The following PDE4B variants were observed in gnomAD, a reference collection of about 807,000 sequenced individuals.
The protein encoded by PDE4B is phosphodiesterase 4B.
A neutral mutation model predicts 82.2 loss-of-function variants in PDE4B; 20 were observed. The ratio of observed to expected loss-of-function variants is 0.24; its 90% CI spans 0.17 to 0.35. The LOEUF is 0.35. Ranked by LOEUF, PDE4B falls within the 10% of genes least tolerant of loss-of-function variation. PDE4B has a pLI of 1.00. For synonymous variants in PDE4B, 320 were observed against 318.9 expected, an observed-to-expected ratio of 1.00 and a Z score of -0.04; for missense variants, 655 against 907.2, an observed-to-expected ratio of 0.72 and a Z score of 3.57.
chr1:66,231,893 A>T (rs908322953), intron 3 of PDE4B, among the ~76,000 whole-genome samples: 8 of 152,116 alleles, frequency 5.3e-5, no homozygotes, highest in Non-Finnish European at 1.0e-4. Context: ...GTCAAGTGTG[A>T]GTGAGGTAAA....
In PDE4B at chr1:66,306,417, T is replaced by C. The variant is rs539146653; in HGVS notation, c.635-26091T>C. 1.8e-4 allele frequency among the ~76,000 whole-genome samples: 27 copies of C among 152,222 alleles called. No homozygotes were observed. In the South Asian group the frequency reaches 4.8e-3, roughly 27 times the overall value. Reference sequence around the variant, plus strand: ...TATTCAAATGAAGACTCAACTCTAATTTATAATAAGACAAAAGGAAAGAGG... The same window carrying C: ...TATTCAAATGAAGACTCAACTCTAACTTATAATAAGACAAAAGGAAAGAGG... On this transcript the variant is annotated intron_variant, in intron 7 of 16. Transcript: ENST00000341517.
intron 8 of PDE4B, among the ~76,000 whole-genome samples, chr1:66,350,441 G>T (rs1390149168): frequency 6.6e-6 from 1 of 151,992 alleles, no homozygotes; most frequent in Non-Finnish European, 1.5e-5. Context: ...TCCATGAGAG[G>T]AAGGTACCTG....
At chr1:66,151,199 G>A (rs1490373684) in intron 3 of PDE4B, among the ~76,000 whole-genome samples, 1 of 152,158 alleles carries the variant, frequency 6.6e-6, no homozygotes, top group Non-Finnish European at 1.5e-5. Flanking sequence ...GTGGAACAAA[G>A]GACTTACAGG....
chr1:66,332,441 G>A (rs200202611), intron 7 of PDE4B, 67 bp from the exon 8 acceptor site: 27 of 1,614,040 alleles, frequency 1.7e-5, no homozygotes, highest in Admixed American at 1.5e-4. Context: ...CGGTGGTAGC[G>A]GTGACTCTGC....
chr1:66,270,096 CT>C (rs1655355520), intron 7 of PDE4B, among the ~76,000 whole-genome samples: 1 of 152,180 alleles, frequency 6.6e-6, no homozygotes, highest in Admixed American at 6.5e-5. Context: ...TAGGGAATCA[CT>C]TTGAGGACTT....
chr1:65,966,425 C>T lies in PDE4B; in HGVS notation c.281+47590C>T, dbSNP rs145440291. Among the ~76,000 whole-genome samples, 117 of 152,222 alleles carry T rather than the reference C, an allele frequency of 7.7e-4. 1 individual carries two copies. The highest frequency in any genetic ancestry group is 1.1e-3 in the African/African-American group (47 of 41,526). On this transcript the variant is annotated intron_variant, in intron 3 of 16. Coordinates refer to ENST00000341517, the MANE Select transcript of PDE4B (RefSeq NM_002600.4). ...GACAAAAACAAAAGGAAAAACATTC[C>T]GTCCTCATGGATAGAAGAATCAATA...
At chr1:65,892,365 C>T (rs530648008) in intron 1 of PDE4B, among the ~76,000 whole-genome samples, 1 of 152,098 alleles carries the variant, frequency 6.6e-6, no homozygotes, top group African/African-American at 2.4e-5. Flanking sequence ...ACAAATGAGT[C>T]ACTATTTTAA....
chr1:66,310,503 A>G (rs1481859640), intron 7 of PDE4B, among the ~76,000 whole-genome samples: 1 of 152,174 alleles, frequency 6.6e-6, no homozygotes, highest in African/African-American at 2.4e-5. Flanking sequence ...CTCAGAAAAA[A>G]AGTATCTTTA....
chr1:66,198,623 A>C (rs1002736677), intron 3 of PDE4B, among the ~76,000 whole-genome samples: 1 of 151,880 alleles, frequency 6.6e-6, no homozygotes, highest in African/African-American at 2.4e-5. Flanking sequence ...TTTTATTATT[A>C]TTATGCTTTA....
At chr1:65,871,430 G>A (rs951792161) in intron 1 of PDE4B, among the ~76,000 whole-genome samples, 2 of 152,162 alleles carry the variant, frequency 1.3e-5, no homozygotes, top group South Asian at 4.1e-4. Context: ...TTAAACAGAT[G>A]CCCTTACTAG....
intron 1 of PDE4B, among the ~76,000 whole-genome samples, chr1:65,837,802 G>A (rs1156659001): frequency 1.3e-5 from 2 of 152,130 alleles, no homozygotes; most frequent in Admixed American, 6.5e-5. Flanking sequence ...ACTTGTGTGT[G>A]TGTGTGTGTG....
At chr1:65,871,198 A>G (rs967760891) in intron 1 of PDE4B, among the ~76,000 whole-genome samples, 4 of 152,204 alleles carry the variant, frequency 2.6e-5, no homozygotes, top group African/African-American at 7.2e-5. Context: ...AATTTGATCT[A>G]TTTGAAGTAT....
intron 7 of PDE4B, 139 bp from the exon 8 acceptor site, chr1:66,332,369 G>A: frequency 6.2e-7 from 1 of 1,612,448 alleles, no homozygotes; most frequent in Non-Finnish European, 8.5e-7. Flanking sequence ...GAGCTGGAAG[G>A]AAGGAGCCAG....
chr1:65,986,672 G>A (rs1264053716), intron 3 of PDE4B, among the ~76,000 whole-genome samples: 1 of 152,174 alleles, frequency 6.6e-6, no homozygotes, highest in African/African-American at 2.4e-5. Flanking sequence ...GTAGCAAACA[G>A]TATTTGGGGA....
chr1:66,085,049 C>A lies in PDE4B; in HGVS notation c.282-162411C>A, dbSNP rs186133552. On this transcript the variant is annotated intron_variant, in intron 3 of 16. Coordinates refer to ENST00000341517, the MANE Select transcript of PDE4B (RefSeq NM_002600.4). The stretch of plus-strand genomic sequence containing the variant: ...AGTATCACGATTAGTAAGGATGGGG[C>A]TGGAAATATACCTATGCCAGGCTCT... 2.0e-3 allele frequency among the ~76,000 whole-genome samples: 311 copies of A among 152,258 alleles called. 1 individual carries two copies. Among genetic ancestry groups the A allele is most frequent in the African/African-American group, 7.1e-3 (297 of 41,554 alleles).
At chr1:66,194,078 C>T (rs556791860) in intron 3 of PDE4B, among the ~76,000 whole-genome samples, 1 of 151,294 alleles carries the variant, frequency 6.6e-6, no homozygotes, top group Admixed American at 6.6e-5. Flanking sequence ...TTTGAACTAA[C>T]TCACTTTCTT....
At chr1:66,005,819 G>C (rs538735398) in intron 3 of PDE4B, among the ~76,000 whole-genome samples, 2 of 152,150 alleles carry the variant, frequency 1.3e-5, no homozygotes, top group Non-Finnish European at 2.9e-5. Context: ...TACAGTGCTT[G>C]CTTGGGATTC....
intron 3 of PDE4B, among the ~76,000 whole-genome samples, chr1:65,935,363 GAA>G (rs575271511): frequency 7.5e-6 from 1 of 133,808 alleles, no homozygotes. Flanking sequence ...ATGGGATGCA[GAA>G]AAAAAAAAAA....
intron 6 of PDE4B, among the ~76,000 whole-genome samples, chr1:66,264,809 T>G (rs1260577866): frequency 5.9e-5 from 9 of 152,256 alleles, no homozygotes; most frequent in Admixed American, 1.3e-4. Context: ...TGCAGGCTGT[T>G]CTTTGTCATT....
Sources: allele counts gnomAD v4.1 joint callset (sites outside exome capture counted in the v4.1 genomes callset), GRCh38; gene constraint gnomAD v4.1.1; transcripts MANE v1.5; gene names NCBI Gene and HGNC (gene_info 2026-07-23, HGNC 2026-07-21).